MEGF9: variants seen among roughly 807,000 people sequenced by gnomAD.
MEGF9 encodes the protein multiple epidermal growth factor-like domains protein 9.
In MEGF9, 6 loss-of-function variants were observed where a neutral mutation model predicts 46.8. The observed-to-expected ratio is 0.13, with a 90% CI of 0.07 to 0.25. The LOEUF (loss-of-function observed/expected upper bound fraction) is 0.25, where lower values mean the gene tolerates loss of function less well. Among genes scored for constraint, MEGF9 ranks in the 10% least tolerant of loss-of-function variants. The pLI, the probability that MEGF9 is intolerant of heterozygous loss-of-function variation, is 1.00. For missense variants in MEGF9, 683 were observed against 792.4 expected (o/e 0.86, Z 1.66); for synonymous variants, 302 against 330.7 (o/e 0.91, Z 0.94).
intron 2 of MEGF9, among the ~76,000 whole-genome samples, chr9:120,650,820 G>GT (rs890175883): frequency 7.5e-4 from 110 of 146,762 alleles, no homozygotes; most frequent in East Asian, 1.4e-3. Context: ...GAATTTTCAT[G>GT]TTTTTTTTTT....
At chr9:120,667,350 T>C (rs1169345093) in intron 1 of MEGF9, among the ~76,000 whole-genome samples, 1 of 152,248 alleles carries the variant, frequency 6.6e-6, no homozygotes, top group Non-Finnish European at 1.5e-5. Flanking sequence ...TACAATCTTT[T>C]CTTTTCCCTT....
intron 1 of MEGF9, among the ~76,000 whole-genome samples, chr9:120,687,873 AATTCAGAT>A (rs2043830488): frequency 6.6e-6 from 1 of 152,014 alleles, no homozygotes; most frequent in Admixed American, 6.6e-5. Context: ...TACAGGAGAA[AATTCAGAT>A]ATTACAAAGC....
chr9:120,613,738 G>A (rs2043459146), intron 3 of MEGF9, among the ~76,000 whole-genome samples: 1 of 152,042 alleles, frequency 6.6e-6, no homozygotes, highest in South Asian at 2.1e-4. Flanking sequence ...TATGGGGCCA[G>A]GAAGATTCAA....
intron 1 of MEGF9, among the ~76,000 whole-genome samples, chr9:120,667,085 A>G (rs115160047): frequency 0.011 from 1,626 of 152,332 alleles, 31 homozygotes; most frequent in African/African-American, 0.034. Context: ...ATATGCAAAA[A>G]AATTTTTTTA....
At chr9:120,659,301 C>T in intron 2 of MEGF9, 73 bp downstream of exon 2, 3 of 1,314,206 alleles carry the variant, frequency 2.3e-6, no homozygotes, top group East Asian at 4.7e-5. Flanking sequence ...CCAGTATGGT[C>T]CTTGAGAGTA....
intron 3 of MEGF9, among the ~76,000 whole-genome samples, chr9:120,618,622 G>A (rs1231731094): frequency 6.6e-6 from 1 of 152,132 alleles, no homozygotes; most frequent in Non-Finnish European, 1.5e-5. Flanking sequence ...TTTAGGCTGG[G>A]CTCCGTGGCT....
At chr9:120,665,185 T>C (rs1449450445) in intron 1 of MEGF9, among the ~76,000 whole-genome samples, 5 of 150,234 alleles carry the variant, frequency 3.3e-5, no homozygotes, top group Non-Finnish European at 5.9e-5. Flanking sequence ...CTACCCTTCA[T>C]GGCTTCTAAT....
intron 1 of MEGF9, among the ~76,000 whole-genome samples, chr9:120,677,657 T>C (rs1235811370): frequency 6.6e-6 from 1 of 152,218 alleles, no homozygotes; most frequent in African/African-American, 2.4e-5. Context: ...TGCACTCTCA[T>C]AACTAAAACA....
chr9:120,681,536 T>C (rs1014431392), intron 1 of MEGF9, among the ~76,000 whole-genome samples: 2 of 152,146 alleles, frequency 1.3e-5, no homozygotes, highest in African/African-American at 4.8e-5. Flanking sequence ...TATATGTGCA[T>C]TTCTTTTTAT....
intron 2 of MEGF9, among the ~76,000 whole-genome samples, chr9:120,645,983 A>T (rs747728940): frequency 3.5e-4 from 53 of 152,216 alleles, no homozygotes; most frequent in Non-Finnish European, 7.2e-4. Context: ...AAGAATGGTA[A>T]GCACAGGGAG....
intron 3 of MEGF9, among the ~76,000 whole-genome samples, chr9:120,619,295 C>T (rs750669456): frequency 3.3e-5 from 5 of 152,102 alleles, no homozygotes; most frequent in Admixed American, 1.3e-4. Flanking sequence ...TGCAGTGAGC[C>T]GAGATCGCGC....
chr9:120,618,855 G>A (rs148069869), intron 3 of MEGF9, among the ~76,000 whole-genome samples: 1 of 150,826 alleles, frequency 6.6e-6, no homozygotes, highest in Non-Finnish European at 1.5e-5. Context: ...AGCCGAGATC[G>A]TGCCATGTAC....
chr9:120,660,572 C>T (rs968984161), intron 1 of MEGF9, among the ~76,000 whole-genome samples: 1 of 152,120 alleles, frequency 6.6e-6, no homozygotes, highest in African/African-American at 2.4e-5. Flanking sequence ...CCCCACCACA[C>T]CCCTGTCCAC....
chr9:120,653,016 A>G (rs1281204289), intron 2 of MEGF9, among the ~76,000 whole-genome samples: 1 of 152,196 alleles, frequency 6.6e-6, no homozygotes, highest in Non-Finnish European at 1.5e-5. Context: ...AAGTCTACCA[A>G]TTTCAAATTC....
intron 4 of MEGF9, among the ~76,000 whole-genome samples, chr9:120,609,336 G>A (rs544935043): frequency 1.3e-5 from 2 of 152,300 alleles, no homozygotes; most frequent in Admixed American, 1.3e-4. Context: ...AATTCAATCT[G>A]TAGGAATTAA....
At chr9:120,710,507 G>C (rs1487948272) in intron 1 of MEGF9, among the ~76,000 whole-genome samples, 1 of 151,278 alleles carries the variant, frequency 6.6e-6, no homozygotes, top group Non-Finnish European at 1.5e-5. Flanking sequence ...AAAAGTGCCT[G>C]CTTGCTGGGC....
intron 3 of MEGF9, among the ~76,000 whole-genome samples, chr9:120,619,689 CCTT>C (rs894004514): frequency 2.6e-5 from 4 of 152,272 alleles, no homozygotes; most frequent in Non-Finnish European, 4.4e-5. Context: ...CTGAATATAA[CCTT>C]CTTAAGAATT....
In MEGF9 at chr9:120,604,207, A is replaced by G. The variant is rs1438184483; in HGVS notation, c.*983T>C. The G allele has an allele frequency of 1.3e-5, 2 of 152,584 alleles. No homozygotes were observed. The highest frequency in any genetic ancestry group is 1.3e-4 in the Admixed American group (2 of 15,286). The allele number at this position is 152,584 out of a possible 1,614,324, so 9.5% of individuals were successfully genotyped here. A position where few individuals can be genotyped will look rare whatever the true frequency, so the allele number is the denominator to read the frequency against. ...CTCTACTTTTAGACTGAGAAAGGAA[A>G]GAAAGAAACATTCGACCTCTTATAA... On this transcript the variant is annotated 3_prime_UTR_variant, in exon 6 of 6. Coordinates refer to ENST00000373930, the MANE Select transcript of MEGF9 (RefSeq NM_001080497.3).
chr9:120,638,453 C>T (rs888949647), intron 2 of MEGF9, among the ~76,000 whole-genome samples: 1 of 152,166 alleles, frequency 6.6e-6, no homozygotes, highest in Admixed American at 6.5e-5. Context: ...TGAAACATTA[C>T]TGACAGGGTT....
Sources: allele counts gnomAD v4.1 joint callset (sites outside exome capture counted in the v4.1 genomes callset), GRCh38; gene constraint gnomAD v4.1.1; transcripts MANE v1.5; gene names NCBI Gene and HGNC (gene_info 2026-07-23, HGNC 2026-07-21).